The following LRCH1 variants were observed in gnomAD, a reference collection of about 807,000 sequenced individuals.
LRCH1 encodes the protein leucine rich repeats and calponin homology domain containing 1, also known as leucine-rich repeat and calponin homology domain-containing protein 1.
LRCH1 carries 23 observed loss-of-function variants against 94.9 expected under a neutral mutation model. That is an observed-to-expected ratio of 0.24 (90% CI 0.17 to 0.34). The LOEUF is 0.34. Ranked by LOEUF, LRCH1 falls within the 10% of genes least tolerant of loss-of-function variation. The pLI is 1.00. For synonymous variants in LRCH1, 364 were observed against 354.9 expected (o/e 1.03, Z -0.29); for missense variants, 790 against 945.9 (o/e 0.84, Z 2.16).
intron 1 of LRCH1, among the ~76,000 whole-genome samples, chr13:46,632,854 C>T (rs9534445): frequency 0.49 from 74,324 of 152,030 alleles, 18,646 homozygotes; most frequent in Middle Eastern, 0.58. Flanking sequence ...ATAATATACC[C>T]GTTAAATATA....
intron 17 of LRCH1, among the ~76,000 whole-genome samples, chr13:46,726,217 C>T (rs746566822): frequency 6.6e-6 from 1 of 152,128 alleles, no homozygotes; most frequent in African/African-American, 2.4e-5. Context: ...CTATTCTTCC[C>T]ACTAAGTACA....
At chr13:46,713,368 T>C (rs1387235951) in intron 15 of LRCH1, among the ~76,000 whole-genome samples, 1 of 152,234 alleles carries the variant, frequency 6.6e-6, no homozygotes, top group African/African-American at 2.4e-5. Flanking sequence ...ATTCAGACGC[T>C]TTTAAATAAG....
At chr13:46,659,189 TTTATTTATTTATTTA>T (rs2051414106) in intron 2 of LRCH1, among the ~76,000 whole-genome samples, 2 of 151,358 alleles carry the variant, frequency 1.3e-5, no homozygotes, top group African/African-American at 4.9e-5. Flanking sequence ...TATTTATTTA[TTTATTTATTTATTTA>T]TTGAGACTTG....
intron 7 of LRCH1, among the ~76,000 whole-genome samples, chr13:46,691,592 C>T (rs1203071270): frequency 6.6e-6 from 1 of 152,232 alleles, no homozygotes; most frequent in Non-Finnish European, 1.5e-5. Flanking sequence ...TGGCAAGGGC[C>T]TCAGGGTTGA....
chr13:46,651,178 C>G (rs934713128), intron 2 of LRCH1, among the ~76,000 whole-genome samples: 1 of 152,182 alleles, frequency 6.6e-6, no homozygotes, highest in Admixed American at 6.5e-5. Context: ...GTAGCCTTTA[C>G]TCATGTCATT....
At chr13:46,750,984 A>T in exon 19 of LRCH1, 1 of 182,506 alleles carries the variant, frequency 5.5e-6, no homozygotes, top group Non-Finnish European at 1.1e-5. Context: ...GTTTTGCAGC[A>T]AGACGCATTC....
At chr13:46,650,866 G>A (rs2051286556) in intron 2 of LRCH1, among the ~76,000 whole-genome samples, 1 of 152,132 alleles carries the variant, frequency 6.6e-6, no homozygotes, top group South Asian at 2.1e-4. Context: ...ACTCTAGCCA[G>A]ATACAAAGTT....
At chr13:46,618,313 A>G (rs74076493) in intron 1 of LRCH1, among the ~76,000 whole-genome samples, 2,226 of 152,362 alleles carry the variant, frequency 0.015, 57 homozygotes, top group African/African-American at 0.05. Context: ...GAAAAGGTAC[A>G]GTAAAACTAA....
chr13:46,750,113 A>G (rs1339551124), intron 18 of LRCH1, among the ~76,000 whole-genome samples: 1 of 152,210 alleles, frequency 6.6e-6, no homozygotes, highest in African/African-American at 2.4e-5. Flanking sequence ...ATGAAGTTCT[A>G]TGGTCAGTAT....
At chr13:46,570,450 C>T (rs773045302) in intron 1 of LRCH1, among the ~76,000 whole-genome samples, 3 of 152,156 alleles carry the variant, frequency 2.0e-5, no homozygotes, top group Non-Finnish European at 4.4e-5. Flanking sequence ...GCTCTGTTTA[C>T]ATAATTCATT....
chr13:46,608,417 C>T (rs1403210763), intron 1 of LRCH1, among the ~76,000 whole-genome samples: 1 of 152,088 alleles, frequency 6.6e-6, no homozygotes, highest in African/African-American at 2.4e-5. Flanking sequence ...TATTTCCACT[C>T]AGTGTGAGGA....
At chr13:46,593,049 T>C (rs2050517978) in intron 1 of LRCH1, among the ~76,000 whole-genome samples, 1 of 151,744 alleles carries the variant, frequency 6.6e-6, no homozygotes, top group Non-Finnish European at 1.5e-5. Context: ...TAGCCTTTCC[T>C]GCTTGCCTTT....
intron 1 of LRCH1, among the ~76,000 whole-genome samples, chr13:46,629,196 C>T (rs1046799113): frequency 2.0e-5 from 3 of 152,166 alleles, no homozygotes; most frequent in Non-Finnish European, 4.4e-5. Context: ...GAGTAGTAAA[C>T]TGATAAAACC....
At position 46,715,580 on chromosome 13, in the gene LRCH1, C is replaced by A; in HGVS notation, c.1675C>A (p.Pro559Thr). Residue 559 changes from proline to threonine, a missense_variant, in exon 16 of 20, where the codon CCT (proline) becomes ACT (threonine). Transcript: ENST00000389797. The part of the protein sequence containing the change: ...PRSDPALILP[P>T]ISFNTLTQAQ... ...TGCAGACCCAGCCCTCATTCTTCCT[C>A]CTATCTCCTTCAACACACTTACACA... The A allele has an allele frequency of 6.5e-7, 1 of 1,537,062 alleles. No individual in the cohort carries two copies. Among genetic ancestry groups the A allele is most frequent in the South Asian group, 1.2e-5 (1 of 84,056 alleles).
At chr13:46,566,777 A>AT (rs990141340) in intron 1 of LRCH1, among the ~76,000 whole-genome samples, 5 of 152,140 alleles carry the variant, frequency 3.3e-5, no homozygotes, top group African/African-American at 1.2e-4. Flanking sequence ...TGACATAGAG[A>AT]TTTTAGAGTT....
At chr13:46,573,094 A>G (rs577694436) in intron 1 of LRCH1, among the ~76,000 whole-genome samples, 1 of 152,342 alleles carries the variant, frequency 6.6e-6, no homozygotes, top group African/African-American at 2.4e-5. Flanking sequence ...GAGACATTCA[A>G]TACATGTTAA....
At chr13:46,613,102 A>T (rs776066362) in intron 1 of LRCH1, among the ~76,000 whole-genome samples, 25 of 152,188 alleles carry the variant, frequency 1.6e-4, no homozygotes, top group Non-Finnish European at 2.8e-4. Context: ...AAAAAAATGC[A>T]TTTCTAGGGC....
exon 19 of LRCH1, chr13:46,751,997 T>C (rs554373377): frequency 7.1e-4 from 108 of 152,584 alleles, no homozygotes; most frequent in African/African-American, 2.5e-3. Context: ...TGAGTCGTTG[T>C]GAGCCTGTGG....
intron 3 of LRCH1, among the ~76,000 whole-genome samples, chr13:46,672,499 C>T (rs1362384181): frequency 1.3e-5 from 2 of 152,126 alleles, no homozygotes; most frequent in Non-Finnish European, 2.9e-5. Flanking sequence ...CTGTGTCAAC[C>T]AGCTCATCTG....
Sources: allele counts gnomAD v4.1 joint callset (sites outside exome capture counted in the v4.1 genomes callset), GRCh38; gene constraint gnomAD v4.1.1; transcripts MANE v1.5; gene names NCBI Gene and HGNC (gene_info 2026-07-23, HGNC 2026-07-21).